MAPKAPK2: variants seen among roughly 807,000 people sequenced by gnomAD.
MAPKAPK2 encodes the protein MAP kinase-activated protein kinase 2.
Under a neutral mutation model 48.8 loss-of-function variants are expected in MAPKAPK2, and 9 were observed. The observed-to-expected ratio is 0.18, with a 90% CI of 0.11 to 0.32. The LOEUF (loss-of-function observed/expected upper bound fraction) is 0.32, where lower values mean the gene tolerates loss of function less well. MAPKAPK2 is among the 10% of genes least tolerant of loss of function. MAPKAPK2 has a pLI of 1.00. For synonymous variants in MAPKAPK2, 202 were observed against 190.6 expected (o/e 1.06, Z -0.49); for missense variants, 331 against 498.3 (o/e 0.66, Z 3.20).
intron 1 of MAPKAPK2, among the ~76,000 whole-genome samples, chr1:206,702,761 CTT>C (rs1372163093): frequency 5.3e-5 from 8 of 152,258 alleles, no homozygotes; most frequent in Admixed American, 5.2e-4. Context: ...GCCTTCCACA[CTT>C]TGCCTTCCAG....
chr1:206,694,134 G>A lies in MAPKAPK2; in HGVS notation c.279+8626G>A, dbSNP rs978885801. 3.9e-5 allele frequency among the ~76,000 whole-genome samples: 6 copies of A among 152,236 alleles called. No homozygotes were observed. In the East Asian group the frequency reaches 5.8e-4, roughly 15 times the overall value. On this transcript the variant is annotated intron_variant, in intron 1 of 9. Transcript: ENST00000367103. ...TTGGCATTCTGTTCTTCAGCGTGGC[G>A]TTAGTATTCTTTCTGATTTTTTCTA...
At chr1:206,697,594 G>T (rs1456104713) in intron 1 of MAPKAPK2, among the ~76,000 whole-genome samples, 1 of 152,104 alleles carries the variant, frequency 6.6e-6, no homozygotes, top group Non-Finnish European at 1.5e-5. Flanking sequence ...CTCAGAGCGA[G>T]AACTCACTGC....
rs540864892 is a variant in MAPKAPK2 at position 206,710,157 on chromosome 1, G to A, written c.280-18553G>A. Among the ~76,000 whole-genome samples, 8 of 152,272 alleles carry A rather than the reference G, an allele frequency of 5.3e-5. No individual in the cohort carries two copies. The East Asian group carries it at 7.7e-4, about 15-fold the overall frequency. ...GTTTGGTTAAATAACATCAGTCCTC[G>A]AAGAATTTGGCTCAAATTTGAGTTG... On this transcript the variant is annotated intron_variant, in intron 1 of 9. Coordinates refer to ENST00000367103, the MANE Select transcript of MAPKAPK2 (RefSeq NM_032960.4).
chr1:206,731,388 C>A lies in MAPKAPK2; in HGVS notation c.892+126C>A. The A allele has an allele frequency of 6.6e-7, 1 of 1,509,918 alleles. No individual in the cohort carries two copies. Among genetic ancestry groups the A allele is most frequent in the African/African-American group, 1.4e-5 (1 of 72,532 alleles). 93.5% of individuals were successfully genotyped at this position (1,509,918 alleles called of 1,614,324 possible). A position where few individuals can be genotyped will look rare whatever the true frequency, so the allele number is the denominator to read the frequency against. On this transcript the variant is annotated intron_variant, in intron 7 of 9. Coordinates refer to ENST00000367103, the MANE Select transcript of MAPKAPK2 (RefSeq NM_032960.4). This position sits in a 1 kb window ranked among gnomAD's most constrained non-coding sequence, Gnocchi z 5.9. Reference sequence around the variant, plus strand: ...GCGTGGTGTAACTGTGGGTTAGCACCTATGCCCACGCCTGCGGGGTGCGTC... The same window carrying A: ...GCGTGGTGTAACTGTGGGTTAGCACATATGCCCACGCCTGCGGGGTGCGTC...
At chr1:206,685,579 C>T (rs1470706191) in intron 1 of MAPKAPK2, 71 bp downstream of exon 1, 4 of 1,290,900 alleles carry the variant, frequency 3.1e-6, no homozygotes, top group African/African-American at 1.6e-5. Context: ...GTCGGGTGCC[C>T]GTCCCGGCCT....
At position 206,719,356 on chromosome 1, in the gene MAPKAPK2, G is replaced by T. The variant is rs1194421198; in HGVS notation, c.280-9354G>T. Among the ~76,000 whole-genome samples, 4 of 152,196 alleles carry T rather than the reference G, an allele frequency of 2.6e-5. No individual in the cohort carries two copies. In the South Asian group the frequency reaches 6.2e-4, roughly 24 times the overall value. On this transcript the variant is annotated intron_variant, in intron 1 of 9. Coordinates refer to ENST00000367103, the MANE Select transcript of MAPKAPK2 (RefSeq NM_032960.4). ...ATCTTCTGGGCAGTGACGCGTGGTT[G>T]TTTTAAGGCTTTTGGTACTGGGATT...
intron 1 of MAPKAPK2, among the ~76,000 whole-genome samples, chr1:206,725,703 G>T (rs1553431786): frequency 6.6e-6 from 1 of 152,146 alleles, no homozygotes; most frequent in South Asian, 2.1e-4. Flanking sequence ...TTGCTTCTGA[G>T]TAAATCTGAC....
chr1:206,722,187 C>T (rs549153627), intron 1 of MAPKAPK2, among the ~76,000 whole-genome samples: 17 of 152,060 alleles, frequency 1.1e-4, no homozygotes, highest in African/African-American at 2.2e-4. Flanking sequence ...GGTGAAACCC[C>T]GTCCCTACTA....
intron 1 of MAPKAPK2, among the ~76,000 whole-genome samples, chr1:206,693,761 T>C (rs1553426621): frequency 6.6e-6 from 1 of 152,216 alleles, no homozygotes; most frequent in Non-Finnish European, 1.5e-5. Context: ...CCTGCCCTGT[T>C]GCTACGTTAT....
chr1:206,714,792 C>T (rs1268236776), intron 1 of MAPKAPK2, among the ~76,000 whole-genome samples: 2 of 150,302 alleles, frequency 1.3e-5, no homozygotes, highest in South Asian at 2.1e-4. Context: ...GAAGTCCCAA[C>T]CCCCCAGTTT....
intron 1 of MAPKAPK2, among the ~76,000 whole-genome samples, chr1:206,714,076 G>A (rs904470448): frequency 2.0e-5 from 3 of 152,124 alleles, no homozygotes; most frequent in Non-Finnish European, 1.5e-5. Context: ...ACTGAGATCC[G>A]GGAGCAAATT....
intron 1 of MAPKAPK2, among the ~76,000 whole-genome samples, chr1:206,722,809 C>G (rs529386816): frequency 1.3e-5 from 2 of 152,208 alleles, no homozygotes; most frequent in Non-Finnish European, 2.9e-5. Flanking sequence ...GCTGCCCTCC[C>G]GAGTCCTCTT....
intron 1 of MAPKAPK2, among the ~76,000 whole-genome samples, chr1:206,687,094 T>C (rs1553425706): frequency 6.6e-6 from 1 of 152,212 alleles, no homozygotes; most frequent in East Asian, 1.9e-4. Flanking sequence ...TGACAGACGG[T>C]CTTTACAGGA....
intron 1 of MAPKAPK2, among the ~76,000 whole-genome samples, chr1:206,708,876 T>C (rs950145312): frequency 1.3e-5 from 2 of 152,240 alleles, no homozygotes; most frequent in Non-Finnish European, 2.9e-5. Flanking sequence ...ATAATCAGTA[T>C]GAACTCTCCC....
At chr1:206,706,740 A>T (rs1321482916) in intron 1 of MAPKAPK2, among the ~76,000 whole-genome samples, 1 of 152,166 alleles carries the variant, frequency 6.6e-6, no homozygotes, top group African/African-American at 2.4e-5. Context: ...GTCATGATGG[A>T]AATTTTTTCT....
At chr1:206,710,426 G>T (rs552113056) in intron 1 of MAPKAPK2, among the ~76,000 whole-genome samples, 9 of 152,268 alleles carry the variant, frequency 5.9e-5, no homozygotes, top group African/African-American at 2.2e-4. Flanking sequence ...TTACAAAAAT[G>T]GACAATTGAT....
chr1:206,694,840 T>C (rs1325821617), intron 1 of MAPKAPK2, among the ~76,000 whole-genome samples: 1 of 152,166 alleles, frequency 6.6e-6, no homozygotes, highest in African/African-American at 2.4e-5. Flanking sequence ...ACCTTCTACA[T>C]CCTTACAGGC....
At chr1:206,716,862 C>G (rs1673353446) in intron 1 of MAPKAPK2, among the ~76,000 whole-genome samples, 1 of 151,846 alleles carries the variant, frequency 6.6e-6, no homozygotes, top group African/African-American at 2.4e-5. Flanking sequence ...TGGATTTTAG[C>G]TTAAAGCCAA....
chr1:206,686,478 G>C (rs1553425622), intron 1 of MAPKAPK2, among the ~76,000 whole-genome samples: 1 of 152,210 alleles, frequency 6.6e-6, no homozygotes, highest in African/African-American at 2.4e-5. Context: ...GCAGTGAAGT[G>C]TGAGCCGGTC....
Sources: allele counts gnomAD v4.1 joint callset (sites outside exome capture counted in the v4.1 genomes callset), GRCh38; gene constraint gnomAD v4.1.1; non-coding constraint Gnocchi (gnomAD v3.1); transcripts MANE v1.5; gene names NCBI Gene and HGNC (gene_info 2026-07-23, HGNC 2026-07-21).